ANO1: variants seen among roughly 807,000 people sequenced by gnomAD.
The protein encoded by ANO1 is anoctamin 1.
In ANO1, 59 loss-of-function variants were observed where a neutral mutation model predicts 124.0. The observed-to-expected ratio is 0.48, with a 90% CI of 0.39 to 0.59. The LOEUF is 0.59. ANO1 is among the 20% of genes least tolerant of loss of function. ANO1 has a pLI of 0.00. For synonymous variants in ANO1, 529 were observed against 532.0 expected, an observed-to-expected ratio of 0.99 and a Z score of 0.08; for missense variants, 1,059 against 1,328.0, an observed-to-expected ratio of 0.80 and a Z score of 3.15.
intron 2 of ANO1, among the ~76,000 whole-genome samples, chr11:70,095,333 G>A (rs2044848389): frequency 4.1e-5 from 4 of 96,524 alleles, no homozygotes; most frequent in Non-Finnish European, 6.4e-5. Flanking sequence ...AAGAAAGAAA[G>A]GAAAGAGAAA....
chr11:70,122,128 G>C (rs1477184028), intron 8 of ANO1, among the ~76,000 whole-genome samples: 1 of 97,256 alleles, frequency 1.0e-5, no homozygotes, highest in Non-Finnish European at 2.0e-5. Context: ...CTCTATCTCT[G>C]TCTCTCCATC....
At chr11:70,039,464 C>A (rs1555004798) in intron 1 of ANO1, among the ~76,000 whole-genome samples, 2 of 152,148 alleles carry the variant, frequency 1.3e-5, no homozygotes, top group Non-Finnish European at 2.9e-5. Flanking sequence ...TCTCTTTATC[C>A]CTTGAAGGAC....
chr11:70,119,630 T>C (rs1173129594), intron 8 of ANO1, among the ~76,000 whole-genome samples: 1 of 147,270 alleles, frequency 6.8e-6, no homozygotes, highest in Non-Finnish European at 1.5e-5. Context: ...GAATGAATGA[T>C]GGATGACGGG....
At chr11:70,033,895 C>T (rs1469278847) in intron 1 of ANO1, among the ~76,000 whole-genome samples, 1 of 152,082 alleles carries the variant, frequency 6.6e-6, no homozygotes, top group African/African-American at 2.4e-5. Context: ...CCATCTTGAA[C>T]ATCTGCTGTC....
At chr11:70,039,986 C>T (rs1283409531) in intron 1 of ANO1, among the ~76,000 whole-genome samples, 10 of 152,122 alleles carry the variant, frequency 6.6e-5, no homozygotes, top group Non-Finnish European at 1.0e-4. Context: ...CAGAGCAAAT[C>T]GATCAGTTTT....
Position 69,994,084 on chromosome 11 carries a change from C to T in ANO1, c.58+7918C>T, listed in dbSNP as rs551484575. Among the ~76,000 whole-genome samples the T allele has an allele frequency of 3.6e-5, 4 of 111,624 alleles. No homozygotes were observed. In the East Asian group the frequency reaches 1.4e-3, roughly 39 times the overall value. The allele number at this position is 111,624 out of a possible 152,430, so 73.2% of individuals were successfully genotyped here. A position where few individuals can be genotyped will look rare whatever the true frequency, so the allele number is the denominator to read the frequency against. On this transcript the variant is annotated intron_variant, in intron 1 of 27. Transcript: ENST00000531349. The stretch of plus-strand genomic sequence containing the variant: ...GCTTGTTTTTGCCAATTTGATTTTA[C>T]ACCCCCAATTTGTCGTTAACCCCCC...
chr11:70,111,637 G>T, intron 6 of ANO1, 70 bp from the exon 7 acceptor site: 1 of 1,484,860 alleles, frequency 6.7e-7, no homozygotes, highest in Non-Finnish European at 9.4e-7. Context: ...CCCTGTGACC[G>T]CTGTGACTTT....
intron 1 of ANO1, 101 bp from the exon 2 acceptor site, chr11:70,087,651 C>CGAGT: frequency 2.5e-6 from 3 of 1,176,708 alleles, no homozygotes; most frequent in Non-Finnish European, 2.3e-6. Context: ...GTTTGTTGAA[C>CGAGT]GAGTGAGTGA....
At chr11:70,086,195 G>A (rs2044373240) in intron 1 of ANO1, among the ~76,000 whole-genome samples, 1 of 152,230 alleles carries the variant, frequency 6.6e-6, no homozygotes. Context: ...TGGACCATTA[G>A]CAGCTTGGAG....
chr11:69,972,181 C>T, the ANO1 span, among the ~76,000 whole-genome samples: 2 of 118,298 alleles, frequency 1.7e-5, no homozygotes, highest in African/African-American at 3.1e-5. Context: ...AGCAAGACTC[C>T]GTCTCAAAAA....
At position 70,095,248 on chromosome 11, in the gene ANO1, AAAGGAAGG is replaced by A. The variant is rs71046578; in HGVS notation, c.441+7211_441+7218del. On this transcript the variant is annotated intron_variant, in intron 2 of 25. Coordinates refer to ENST00000355303, the MANE Select transcript of ANO1 (RefSeq NM_018043.7). ...AGAGAGAGAGGAAAGAAAGAAAAAG[AAAGGAAGG>A]AAGGAAGGAAGGAAGGAAGGAAGGA... Among the ~76,000 whole-genome samples the A allele has an allele frequency of 2.2e-3, 80 of 36,986 alleles. 5 individuals are homozygous for A. Among genetic ancestry groups the A allele is most frequent in the African/African-American group, 3.7e-3 (33 of 9,032 alleles). 24.3% of individuals were successfully genotyped at this position (36,986 alleles called of 152,430 possible).
At chr11:69,997,686 G>A (rs987578135) in intron 1 of ANO1, among the ~76,000 whole-genome samples, 3 of 152,226 alleles carry the variant, frequency 2.0e-5, no homozygotes, top group East Asian at 1.9e-4. Flanking sequence ...CATGGGGGCC[G>A]TTTCTCATGA....
intron 12 of ANO1, among the ~76,000 whole-genome samples, chr11:70,150,163 C>G (rs1332622546): frequency 1.3e-5 from 2 of 152,138 alleles, no homozygotes; most frequent in Admixed American, 6.5e-5. Flanking sequence ...TGGACACTGC[C>G]CATGGGTCTC....
intron 2 of ANO1, among the ~76,000 whole-genome samples, chr11:70,102,022 G>A (rs1321780350): frequency 5.3e-5 from 8 of 152,340 alleles, no homozygotes; most frequent in South Asian, 2.1e-4. Context: ...GCCGACTGAT[G>A]TGACATGTGT....
chr11:70,078,654 C>T lies in ANO1; in HGVS notation c.48C>T (p.Ser16=), dbSNP rs1228184511. 6.7e-7 allele frequency: 1 copy of T among 1,501,956 alleles called. No individual in the cohort carries two copies. The highest frequency in any genetic ancestry group is 9.0e-7 in the Non-Finnish European group (1 of 1,115,272). The allele number at this position is 1,501,956 out of a possible 1,614,324, so 93.0% of individuals were successfully genotyped here. The change falls in exon 1 of 26, where the codon AGC becomes AGT. Residue 16 remains serine, a synonymous_variant. Coordinates refer to ENST00000355303, the MANE Select transcript of ANO1 (RefSeq NM_018043.7). ...KYSTLPAEDR[S]VHIINICAIE... ...CGACGCTCCCGGCCGAGGACCGCAG[C>T]GTCCACATCATCAACATCTGCGCCA...
At chr11:70,139,573 C>T (rs927186886) in intron 11 of ANO1, among the ~76,000 whole-genome samples, 3 of 152,216 alleles carry the variant, frequency 2.0e-5, no homozygotes. Flanking sequence ...ATCTGCCTAC[C>T]TCAGCCTCCC....
At chr11:70,124,714 C>T (rs1424967008) in intron 9 of ANO1, among the ~76,000 whole-genome samples, 2 of 152,078 alleles carry the variant, frequency 1.3e-5, no homozygotes, top group Non-Finnish European at 2.9e-5. Context: ...GGATTTGAGA[C>T]GTGGAGGGGA....
chr11:69,983,105 G>T (rs559914551), upstream of ANO1, among the ~76,000 whole-genome samples: 229 of 152,192 alleles, frequency 1.5e-3, 3 homozygotes, highest in African/African-American at 5.2e-3. Flanking sequence ...GCAGCATTGG[G>T]GAGCAGAGGA....
chr11:70,144,052 C>G (rs1318774014), intron 11 of ANO1, among the ~76,000 whole-genome samples: 4 of 152,060 alleles, frequency 2.6e-5, no homozygotes, highest in African/African-American at 7.2e-5. Context: ...TTACCTGAAT[C>G]AATGGATTCA....
Sources: gnomAD v4.1 joint callset for allele counts (sites outside exome capture counted in the v4.1 genomes callset) on GRCh38, gnomAD v4.1.1 for gene constraint, MANE v1.5 for transcripts, NCBI Gene and HGNC (gene_info 2026-07-23, HGNC 2026-07-21) for gene names.